The following CUBN variants were observed in gnomAD, a reference collection of about 807,000 sequenced individuals.
The protein encoded by CUBN is cubilin, also known as 460 kDa receptor.
Under a neutral mutation model 405.3 loss-of-function variants are expected in CUBN, and 282 were observed. The observed-to-expected ratio is 0.70, with a 90% CI of 0.63 to 0.77. CUBN has a LOEUF of 0.77. Among genes scored for constraint, CUBN ranks in the 30% least tolerant of loss-of-function variants. CUBN has a pLI of 0.00. For missense variants in CUBN, 4,514 were observed against 4,475.2 expected, an observed-to-expected ratio of 1.01 and a Z score of -0.25; for synonymous variants, 1,684 against 1,617.0, an observed-to-expected ratio of 1.04 and a Z score of -0.99.
At position 16,909,076 on chromosome 10, in the gene CUBN, G is replaced by A. The variant is rs552830308; in HGVS notation, c.7534-1397C>T. ...TTTTTTTTGTATTTTTAGTAGAGAC[G>A]GGGTTTCACCTTGTTAGCCAGGATG... On this transcript the variant is annotated intron_variant, in intron 48 of 66. Transcript: ENST00000377833. Among the ~76,000 whole-genome samples the A allele has an allele frequency of 4.8e-4, 72 of 151,118 alleles. 2 individuals are homozygous for A. The East Asian group carries it at 0.011, about 23-fold the overall frequency.
chr10:17,126,152 T>C (rs1017018511), intron 4 of CUBN, among the ~76,000 whole-genome samples: 4 of 152,234 alleles, frequency 2.6e-5, no homozygotes, highest in African/African-American at 7.2e-5. Flanking sequence ...ATTTTAAACA[T>C]GAAGAGATTC....
At chr10:16,992,393 T>C (rs1417662239) in intron 28 of CUBN, among the ~76,000 whole-genome samples, 1 of 152,032 alleles carries the variant, frequency 6.6e-6, no homozygotes, top group Non-Finnish European at 1.5e-5. Flanking sequence ...AGTATAATAA[T>C]AAAAAATAAA....
chr10:16,937,719 A>G lies in CUBN; in HGVS notation c.5799T>C (p.Ser1933=). 1 of 1,614,168 alleles carries G rather than the reference A, an allele frequency of 6.2e-7. No individual in the cohort carries two copies. The highest frequency in any genetic ancestry group is 8.5e-7 in the Non-Finnish European group (1 of 1,180,018). The change falls in exon 39 of 67, where the codon TCT becomes TCC. Residue 1933 remains serine (S), a synonymous_variant. Transcript: ENST00000377833. The part of the protein sequence containing the change: ...IGAYCGTQTE[S]FSSTGNSLTF... ...TCAAAGAATTTCCAGTGGAGCTGAA[A>G]GATTCAGTCTGGGTACCACAGTAAG...
rs1485741923 is a variant in CUBN, at chr10:16,975,343, G to A, written c.4695+7141C>T. Among the ~76,000 whole-genome samples the A allele has an allele frequency of 2.0e-5, 3 of 152,208 alleles. No homozygotes were observed. In the South Asian group the frequency reaches 6.2e-4, roughly 31 times the overall value. On this transcript the variant is annotated intron_variant, in intron 31 of 66. Coordinates refer to ENST00000377833, the MANE Select transcript of CUBN (RefSeq NM_001081.4). ...CCCAGCTGCATGCTGAAATATGGCA[G>A]TGTTCATAGAAAACCTTGTCTGTGT...
At chr10:16,917,872 A>C (rs547640831) in intron 45 of CUBN, among the ~76,000 whole-genome samples, 8 of 152,160 alleles carry the variant, frequency 5.3e-5, no homozygotes, top group Non-Finnish European at 1.0e-4. Flanking sequence ...TATTCATTCT[A>C]TAATAACTCT....
At chr10:17,090,699 CA>C (rs1836236386) in intron 14 of CUBN, among the ~76,000 whole-genome samples, 1 of 151,310 alleles carries the variant, frequency 6.6e-6, no homozygotes, top group Non-Finnish European at 1.5e-5. Context: ...GTTATCATAC[CA>C]TTAGTAATAA....
At chr10:16,836,179 G>A (rs537577893) in intron 63 of CUBN, 56 bp downstream of exon 63, 83 of 1,472,228 alleles carry the variant, frequency 5.6e-5, no homozygotes, top group Middle Eastern at 3.5e-4. Context: ...ATTATTCTAC[G>A]AATAATGGTA....
chr10:16,891,779 C>T (rs1318943609), intron 54 of CUBN, among the ~76,000 whole-genome samples: 2 of 152,038 alleles, frequency 1.3e-5, no homozygotes, highest in Admixed American at 1.3e-4. Context: ...GAGGTCTCAA[C>T]TAGGAGCAAT....
chr10:17,055,591 CA>C (rs1044910184), intron 22 of CUBN, among the ~76,000 whole-genome samples: 5 of 151,884 alleles, frequency 3.3e-5, no homozygotes, highest in East Asian at 1.9e-4. Context: ...GATATGTATA[CA>C]AAAATCCATT....
intron 56 of CUBN, among the ~76,000 whole-genome samples, chr10:16,882,918 C>T (rs1446943669): frequency 6.6e-6 from 1 of 151,806 alleles, no homozygotes; most frequent in Non-Finnish European, 1.5e-5. Flanking sequence ...GGAGGCTGAG[C>T]CATGAGAATT....
At chr10:16,877,477 C>T (rs1371607631) in intron 56 of CUBN, among the ~76,000 whole-genome samples, 1 of 152,024 alleles carries the variant, frequency 6.6e-6, no homozygotes, top group Non-Finnish European at 1.5e-5. Context: ...ACCAGGGTTG[C>T]TCCTGAAGAT....
rs1833511498 is a variant in CUBN at position 16,989,234 on chromosome 10, C to T, written c.4350+1100G>A. On this transcript the variant is annotated intron_variant, in intron 29 of 66. Transcript: ENST00000377833. ...TTTGGAAGATATTAAAGTTTGCAGA[C>T]AGGTCAAAGTTCAAAGTATACATAA... 4.6e-5 allele frequency among the ~76,000 whole-genome samples: 7 copies of T among 151,864 alleles called. No individual in the cohort carries two copies. In the South Asian group the frequency reaches 1.5e-3, roughly 32 times the overall value.
chr10:17,115,546 G>T lies in CUBN; in HGVS notation c.645C>A (p.Asp215Glu), dbSNP rs778456388. 1 of 1,614,134 alleles carries T rather than the reference G, an allele frequency of 6.2e-7. No individual in the cohort carries two copies. The highest frequency in any genetic ancestry group is 8.5e-7 in the Non-Finnish European group (1 of 1,180,000). The change falls in exon 7 of 67, where the codon GAC (aspartate) becomes GAA (glutamate). Residue 215 changes from aspartate (D) to glutamate (E), a missense_variant. This residue lies in a region of CUBN where 1,448 missense variants were observed against 1,388.0 expected (regional missense o/e 1.04). Coordinates refer to ENST00000377833, the MANE Select transcript of CUBN (RefSeq NM_001081.4). The part of the protein sequence containing the change: ...TYGPQCASKY[D>E]DCEGGSVARC... ...GTGCCACAGAACCCCCTTCACAGTCGTCATATTTGGATGCACACTGGGGTC... is the reference window on the plus strand; with the variant it reads ...GTGCCACAGAACCCCCTTCACAGTCTTCATATTTGGATGCACACTGGGGTC...
chr10:17,124,074 G>A (rs1480802012), intron 4 of CUBN, among the ~76,000 whole-genome samples: 4 of 152,204 alleles, frequency 2.6e-5, no homozygotes, highest in Admixed American at 1.3e-4. Flanking sequence ...ATAAAATGGA[G>A]ATTCCGGTTA....
chr10:17,034,326 C>A (rs149570834), intron 27 of CUBN, among the ~76,000 whole-genome samples: 62 of 152,288 alleles, frequency 4.1e-4, no homozygotes, highest in Non-Finnish European at 6.8e-4. Flanking sequence ...AACATAATAT[C>A]AACTGTATGA....
rs771294537 is a variant in CUBN at position 16,890,462 on chromosome 10, C to T, written c.8664G>A (p.Pro2888=). 5.6e-6 allele frequency: 9 copies of T among 1,614,028 alleles called. No homozygotes were observed. In the East Asian group the frequency reaches 1.1e-4, roughly 20 times the overall value. ...LLATGCGNVA[P]GPVITPSNTF... The stretch of plus-strand genomic sequence containing the variant: ...TGTTACTTGGTGTGATAACGGGACC[C>T]GGAGCCACGTTCCCACAGCCAGTGG... Residue 2888 remains proline, a synonymous_variant, in exon 55 of 67, where the codon CCG becomes CCA. Coordinates refer to ENST00000377833, the MANE Select transcript of CUBN (RefSeq NM_001081.4).
chr10:17,071,327 A>T, intron 19 of CUBN, 99 bp downstream of exon 19: 4 of 1,286,210 alleles, frequency 3.1e-6, no homozygotes, highest in Non-Finnish European at 4.4e-6. Flanking sequence ...GGTCTACATA[A>T]ACTACTTTCA....
intron 40 of CUBN, among the ~76,000 whole-genome samples, chr10:16,930,017 C>G (rs1842317671): frequency 6.6e-6 from 1 of 152,176 alleles, no homozygotes; most frequent in Non-Finnish European, 1.5e-5. Context: ...TGCCCATCCA[C>G]CCCTTCAGTC....
intron 19 of CUBN, 117 bp downstream of exon 19, chr10:17,071,309 G>T: frequency 9.8e-7 from 1 of 1,023,712 alleles, no homozygotes; most frequent in Non-Finnish European, 1.5e-6. Flanking sequence ...GTATCCATAA[G>T]ACATATTGGT....
Sources: allele counts gnomAD v4.1 joint callset (sites outside exome capture counted in the v4.1 genomes callset), GRCh38; gene constraint gnomAD v4.1.1; regional missense constraint gnomAD v4.1.1; transcripts MANE v1.5; gene names NCBI Gene and HGNC (gene_info 2026-07-23, HGNC 2026-07-21).